Variants in PCDH15 observed in about 807,000 individuals in gnomAD.
The protein encoded by PCDH15 is protocadherin related 15, also known as protocadherin-15.
In PCDH15, 129 loss-of-function variants were observed where a neutral mutation model predicts 178.5. The observed-to-expected ratio is 0.72, with a 90% CI of 0.63 to 0.84. The LOEUF (loss-of-function observed/expected upper bound fraction) is 0.84. Ranked by LOEUF, PCDH15 falls within the 40% of genes least tolerant of loss-of-function variation. The pLI is 0.00. For missense variants in PCDH15, 2,230 were observed against 2,099.9 expected (o/e 1.06, Z -1.21); for synonymous variants, 800 against 732.0 (o/e 1.09, Z -1.50).
chr10:54,830,698 A>T (rs1275664981), intron 3 of PCDH15, among the ~76,000 whole-genome samples: 3 of 152,022 alleles, frequency 2.0e-5, no homozygotes, highest in Non-Finnish European at 4.4e-5. Context: ...ACAAACCTGC[A>T]CATTATGTAC....
At chr10:54,649,306 A>T (rs2135154492) in intron 2 of PCDH15, among the ~76,000 whole-genome samples, 1 of 152,326 alleles carries the variant, frequency 6.6e-6, no homozygotes, top group South Asian at 2.1e-4. Context: ...GATCTGTAAT[A>T]AATTACATAT....
intron 7 of PCDH15, among the ~76,000 whole-genome samples, chr10:54,323,693 C>T (rs900776231): frequency 1.3e-5 from 2 of 152,014 alleles, no homozygotes; most frequent in African/African-American, 4.8e-5. Flanking sequence ...AACCTGGGAA[C>T]AGTAGACTGT....
At chr10:55,610,728 A>G (rs936737967) in intron 2 of PCDH15, among the ~76,000 whole-genome samples, 4 of 152,032 alleles carry the variant, frequency 2.6e-5, no homozygotes, top group African/African-American at 7.2e-5. Flanking sequence ...TGAAAATTCA[A>G]TTATACCCCC....
intron 2 of PCDH15, among the ~76,000 whole-genome samples, chr10:55,466,824 C>T (rs963597709): frequency 6.6e-6 from 1 of 152,154 alleles, no homozygotes; most frequent in African/African-American, 2.4e-5. Flanking sequence ...TTCTTTCTAG[C>T]GTCTCCCACT....
At chr10:55,448,876 G>T (rs1295562846) in intron 2 of PCDH15, among the ~76,000 whole-genome samples, 3 of 151,962 alleles carry the variant, frequency 2.0e-5, no homozygotes, top group Middle Eastern at 3.2e-3. Flanking sequence ...AGATTAAGAA[G>T]CCACCCTATT....
rs138392674 is a variant in PCDH15 at position 55,410,087 on chromosome 10, C to A, written c.-156+217538G>T. Among the ~76,000 whole-genome samples the A allele has an allele frequency of 2.2e-3, 328 of 152,020 alleles. 2 individuals are homozygous for A. The highest frequency in any genetic ancestry group is 3.7e-3 in the Non-Finnish European group (252 of 67,972). ...TATTAAATAAGGGATAACTATTATG[C>A]TTTTGTTATTATTATTGTTATTATT... On this transcript the variant is annotated intron_variant, in intron 2 of 5. Transcript: ENST00000613346.
chr10:54,178,804 A>G (rs1286062565), intron 13 of PCDH15, among the ~76,000 whole-genome samples: 1 of 152,174 alleles, frequency 6.6e-6, no homozygotes, highest in African/African-American at 2.4e-5. Context: ...GCAGCCAAAA[A>G]ACATGTGAAA....
intron 37 of PCDH15, chr10:53,809,610 C>T (rs2075794328): frequency 6.8e-7 from 1 of 1,475,108 alleles, no homozygotes; most frequent in Admixed American, 2.0e-5. Context: ...GACCTTGTCC[C>T]ACGAAAGCTA....
chr10:55,382,377 G>A (rs561549242), intron 2 of PCDH15, among the ~76,000 whole-genome samples: 1 of 152,092 alleles, frequency 6.6e-6, no homozygotes, highest in African/African-American at 2.4e-5. Flanking sequence ...TAATCACAGG[G>A]GTCCTGAAAT....
intron 18 of PCDH15, among the ~76,000 whole-genome samples, chr10:54,037,227 G>A (rs987167179): frequency 2.0e-5 from 3 of 151,916 alleles, no homozygotes; most frequent in African/African-American, 7.2e-5. Context: ...TTTGCAGCAA[G>A]GATTAAGAAG....
At chr10:54,775,368 T>C (rs1029189404) in intron 1 of PCDH15, among the ~76,000 whole-genome samples, 2 of 152,342 alleles carry the variant, frequency 1.3e-5, no homozygotes, top group Non-Finnish European at 2.9e-5. Context: ...TGACACATAA[T>C]AGTTATACAT....
intron 26 of PCDH15, among the ~76,000 whole-genome samples, chr10:53,869,759 T>C (rs752293634): frequency 2.6e-5 from 4 of 151,966 alleles, no homozygotes; most frequent in South Asian, 2.1e-4. Context: ...CTGCACAATA[T>C]AGTGAAACTC....
At chr10:55,394,623 G>C (rs141141285) in intron 2 of PCDH15, among the ~76,000 whole-genome samples, 27 of 151,218 alleles carry the variant, frequency 1.8e-4, no homozygotes, top group African/African-American at 6.6e-4. Flanking sequence ...TTGGCTGGAG[G>C]ACTAAAATTA....
At chr10:55,404,464 A>T (rs1838151229) in intron 2 of PCDH15, among the ~76,000 whole-genome samples, 1 of 152,022 alleles carries the variant, frequency 6.6e-6, no homozygotes, top group African/African-American at 2.4e-5. Flanking sequence ...TGAGTATAAG[A>T]TATGTTATTA....
chr10:53,993,420 T>C (rs1471768920), intron 21 of PCDH15, among the ~76,000 whole-genome samples: 1 of 152,176 alleles, frequency 6.6e-6, no homozygotes, highest in African/African-American at 2.4e-5. Flanking sequence ...CTCAAGGACC[T>C]TACATTCTAG....
At chr10:55,580,608 C>G (rs1842595748) in intron 2 of PCDH15, among the ~76,000 whole-genome samples, 1 of 152,080 alleles carries the variant, frequency 6.6e-6, no homozygotes, top group Non-Finnish European at 1.5e-5. Flanking sequence ...GATGATCTGC[C>G]CACCTCGGCC....
intron 21 of PCDH15, among the ~76,000 whole-genome samples, chr10:53,977,565 ACAG>A (rs1415076745): frequency 6.6e-6 from 1 of 152,186 alleles, no homozygotes; most frequent in Non-Finnish European, 1.5e-5. Context: ...GGGTGGGGAC[ACAG>A]CCAAACCACA....
At chr10:55,091,385 A>C (rs1314757706) in intron 2 of PCDH15, among the ~76,000 whole-genome samples, 1 of 151,902 alleles carries the variant, frequency 6.6e-6, no homozygotes, top group Non-Finnish European at 1.5e-5. Context: ...AACATTTTAC[A>C]CCAGTTTCTA....
In PCDH15 at chr10:55,202,821, C is replaced by T. The variant is rs563471335; in HGVS notation, c.-155-36170G>A. Among the ~76,000 whole-genome samples, 6 of 152,218 alleles carry T rather than the reference C, an allele frequency of 3.9e-5. No homozygotes were observed. The East Asian group carries it at 7.7e-4, about 20-fold the overall frequency. On this transcript the variant is annotated intron_variant, in intron 1 of 5. Coordinates refer to the PCDH15 transcript ENST00000458638. ...TATAAGTGTTTGGAAGTTCCTGCTT[C>T]GCTATTCTCTCTCCTGCCTGCTGTG...
Sources: allele counts gnomAD v4.1 joint callset (sites outside exome capture counted in the v4.1 genomes callset), GRCh38; gene constraint gnomAD v4.1.1; transcripts MANE v1.5; gene names NCBI Gene and HGNC (gene_info 2026-07-23, HGNC 2026-07-21).